The following CFAP95 variants were observed in gnomAD, a reference collection of about 807,000 sequenced individuals.
The protein encoded by CFAP95 is cilia and flagella associated protein 95.
chr9:69,883,557 C>T, the CFAP95 span, among the ~76,000 whole-genome samples: 3 of 152,214 alleles, frequency 2.0e-5, no homozygotes, highest in South Asian at 6.2e-4. Flanking sequence ...TGGCGACGCT[C>T]CTGCTCTGTC....
At chr9:69,853,678 G>C in the CFAP95 span, among the ~76,000 whole-genome samples, 1 of 152,172 alleles carries the variant, frequency 6.6e-6, no homozygotes, top group Non-Finnish European at 1.5e-5. Context: ...CATTAAGATG[G>C]TGTAGGATTA....
At chr9:69,851,004 A>C in the CFAP95 span, among the ~76,000 whole-genome samples, 8 of 152,058 alleles carry the variant, frequency 5.3e-5, no homozygotes, top group Non-Finnish European at 1.2e-4. Context: ...GACGTTTGGG[A>C]TGGGAATGAA....
At chr9:69,825,224 GTATT>G in the CFAP95 span, among the ~76,000 whole-genome samples, 4 of 152,248 alleles carry the variant, frequency 2.6e-5, no homozygotes, top group East Asian at 1.9e-4. Context: ...TCTCAACAGA[GTATT>G]TAATCAGTTA....
the CFAP95 span, among the ~76,000 whole-genome samples, chr9:69,897,623 T>G: frequency 6.6e-6 from 1 of 151,908 alleles, no homozygotes; most frequent in Non-Finnish European, 1.5e-5. Flanking sequence ...TTGAAAAAAA[T>G]CAGCTAAGGA....
At chr9:69,825,013 G>A in the CFAP95 span, among the ~76,000 whole-genome samples, 1 of 152,134 alleles carries the variant, frequency 6.6e-6, no homozygotes, top group Non-Finnish European at 1.5e-5. Context: ...CTACAAAGCT[G>A]AATAAAATTC....
the CFAP95 span, among the ~76,000 whole-genome samples, chr9:69,874,163 T>C: frequency 7.0e-6 from 1 of 142,748 alleles, no homozygotes; most frequent in South Asian, 2.4e-4. Context: ...AGCCTGTTTT[T>C]ATCAGTACTT....
At chr9:69,864,733 G>C in the CFAP95 span, among the ~76,000 whole-genome samples, 1 of 152,118 alleles carries the variant, frequency 6.6e-6, no homozygotes, top group Non-Finnish European at 1.5e-5. Context: ...TCCTCTCTCT[G>C]AGACATTAGC....
chr9:69,895,335 G>GTC, the CFAP95 span, among the ~76,000 whole-genome samples: 1,362 of 121,212 alleles, frequency 0.011, 21 homozygotes, highest in East Asian at 0.041. Flanking sequence ...CTTAAAATCA[G>GTC]TCTCTCTCTC....
chr9:69,870,824 G>C, the CFAP95 span, among the ~76,000 whole-genome samples: 1 of 152,172 alleles, frequency 6.6e-6, no homozygotes, highest in Non-Finnish European at 1.5e-5. Flanking sequence ...AAAGGCTTCT[G>C]GGTAGAAGCG....
the CFAP95 span, among the ~76,000 whole-genome samples, chr9:69,858,968 A>G: frequency 6.6e-6 from 1 of 152,212 alleles, no homozygotes. Context: ...GCATGAACAA[A>G]TTCTAAGGAT....
At chr9:69,823,858 G>C in the CFAP95 span, among the ~76,000 whole-genome samples, 1 of 152,182 alleles carries the variant, frequency 6.6e-6, no homozygotes, top group African/African-American at 2.4e-5. Context: ...TTTTGAGCCA[G>C]GATGAGCCAG....
chr9:69,889,245 C>T, the CFAP95 span, among the ~76,000 whole-genome samples: 2 of 152,174 alleles, frequency 1.3e-5, no homozygotes, highest in Non-Finnish European at 2.9e-5. Context: ...ATGGTAAGGG[C>T]TTGAACTTTG....
the CFAP95 span, chr9:69,857,810 G>T: frequency 1.9e-6 from 2 of 1,049,348 alleles, no homozygotes; most frequent in Non-Finnish European, 2.8e-6. Context: ...TTACAGGCGT[G>T]AGCCACTGCG....
the CFAP95 span, among the ~76,000 whole-genome samples, chr9:69,903,783 G>A: frequency 1.3e-5 from 2 of 152,222 alleles, no homozygotes; most frequent in Admixed American, 6.5e-5. Flanking sequence ...CTGGAGGGCA[G>A]TGTCATGATC....
At chr9:69,826,021 A>C in the CFAP95 span, among the ~76,000 whole-genome samples, 1 of 152,308 alleles carries the variant, frequency 6.6e-6, no homozygotes, top group Non-Finnish European at 1.5e-5. Context: ...ATAGGAAGAA[A>C]CCAGAAAGAT....
At chr9:69,825,657 G>T in the CFAP95 span, among the ~76,000 whole-genome samples, 1 of 152,052 alleles carries the variant, frequency 6.6e-6, no homozygotes, top group African/African-American at 2.4e-5. Context: ...ACTGAACTAA[G>T]GGGAAATATT....
At chr9:69,863,331 T>C in the CFAP95 span, among the ~76,000 whole-genome samples, 1 of 151,786 alleles carries the variant, frequency 6.6e-6, no homozygotes, top group Admixed American at 6.6e-5. Context: ...ACTTATGTTA[T>C]ATGGGTAGAG....
chr9:69,902,498 C>T, the CFAP95 span: 8 of 315,044 alleles, frequency 2.5e-5, no homozygotes, highest in Non-Finnish European at 4.3e-5. Flanking sequence ...AAGTACAAAT[C>T]GGTGGTTATA....
chr9:69,904,520 G>T, the CFAP95 span, among the ~76,000 whole-genome samples: 179 of 152,224 alleles, frequency 1.2e-3, 1 homozygote, highest in African/African-American at 4.1e-3. Flanking sequence ...TAATGCTTCT[G>T]CTACCAGAAT....
Sources: gnomAD v4.1 joint callset for allele counts (sites outside exome capture counted in the v4.1 genomes callset) on GRCh38, gnomAD v4.1.1 for gene constraint, MANE v1.5 for transcripts, NCBI Gene and HGNC (gene_info 2026-07-23, HGNC 2026-07-21) for gene names.